CFAP54: variants seen among roughly 807,000 people sequenced by gnomAD.
The protein encoded by CFAP54 is cilia and flagella associated protein 54, also known as cilia- and flagella-associated protein 54.
CFAP54 carries 290 observed loss-of-function variants against 370.4 expected under a neutral mutation model. The ratio of observed to expected loss-of-function variants is 0.78; its 90% CI spans 0.71 to 0.86. The LOEUF (loss-of-function observed/expected upper bound fraction) is 0.86. Among genes scored for constraint, CFAP54 ranks in the 40% least tolerant of loss-of-function variants. The pLI is 0.00. For missense variants in CFAP54, 3,399 were observed against 3,528.7 expected, an observed-to-expected ratio of 0.96 and a Z score of 0.93; for synonymous variants, 1,206 against 1,236.5, an observed-to-expected ratio of 0.98 and a Z score of 0.52.
At chr12:96,830,175 A>G (rs780197969) in intron 66 of CFAP54, among the ~76,000 whole-genome samples, 4 of 152,138 alleles carry the variant, frequency 2.6e-5, no homozygotes, top group Admixed American at 1.3e-4. Flanking sequence ...TAATATTGCT[A>G]TGAACGTTAG....
At chr12:96,642,438 A>G (rs1170931733) in intron 32 of CFAP54, among the ~76,000 whole-genome samples, 1 of 152,192 alleles carries the variant, frequency 6.6e-6, no homozygotes, top group African/African-American at 2.4e-5. Context: ...ATCTAAATCT[A>G]TCTTATTGTC....
intron 26 of CFAP54, among the ~76,000 whole-genome samples, chr12:96,618,350 G>T (rs991458865): frequency 6.6e-6 from 1 of 152,172 alleles, no homozygotes; most frequent in Admixed American, 6.5e-5. Flanking sequence ...CTTAAGAGAG[G>T]TGGTGTGAGG....
At chr12:96,701,894 C>T (rs80026084) in intron 46 of CFAP54, among the ~76,000 whole-genome samples, 2,803 of 152,086 alleles carry the variant, frequency 0.018, 105 homozygotes, top group African/African-American at 0.065. Context: ...AGAGAAGTGA[C>T]GTGATAGGAA....
At chr12:96,497,879 A>G (rs1372333417) in intron 1 of CFAP54, among the ~76,000 whole-genome samples, 1 of 152,228 alleles carries the variant, frequency 6.6e-6, no homozygotes, top group East Asian at 1.9e-4. Flanking sequence ...TTTAAAACAA[A>G]GATAGTGTGT....
intron 32 of CFAP54, among the ~76,000 whole-genome samples, chr12:96,633,379 G>C (rs1956629134): frequency 6.6e-6 from 1 of 152,164 alleles, no homozygotes; most frequent in Non-Finnish European, 1.5e-5. Context: ...AATGATAGCT[G>C]TACAACTATA....
chr12:96,766,606 C>T (rs930133852), intron 60 of CFAP54, among the ~76,000 whole-genome samples: 6 of 152,168 alleles, frequency 3.9e-5, no homozygotes, highest in Non-Finnish European at 8.8e-5. Flanking sequence ...CAGACCATTT[C>T]ATTTCTCTCA....
chr12:96,607,336 TAA>T (rs753783181), intron 26 of CFAP54, among the ~76,000 whole-genome samples: 1 of 144,104 alleles, frequency 6.9e-6, no homozygotes, highest in Non-Finnish European at 1.5e-5. Flanking sequence ...AAGACTTGGT[TAA>T]AAAAAAAAAG....
At position 96,515,912 on chromosome 12, in the gene CFAP54, GTTTTTTTTTTTT is replaced by G. The variant is rs71437221; in HGVS notation, c.798+2878_798+2889del. 3.1e-4 allele frequency among the ~76,000 whole-genome samples: 34 copies of G among 108,260 alleles called. No homozygotes were observed. In the South Asian group the frequency reaches 0.011, roughly 34 times the overall value. 71.0% of individuals were successfully genotyped at this position (108,260 alleles called of 152,430 possible). ...AGAAAGGTGCTGTCATTACCTCTAT[GTTTTTTTTTTTT>G]TTTTTTTTTGATATGGAGTCTCGCT... On this transcript the variant is annotated intron_variant, in intron 5 of 67. Coordinates refer to ENST00000524981, the MANE Select transcript of CFAP54 (RefSeq NM_001306084.2).
intron 48 of CFAP54, among the ~76,000 whole-genome samples, chr12:96,711,086 T>C (rs1399250537): frequency 3.3e-5 from 5 of 152,238 alleles, no homozygotes; most frequent in Non-Finnish European, 4.4e-5. Context: ...TCAATCTCTT[T>C]ACTTGTAGTT....
At chr12:96,569,930 AT>A (rs199506337) in intron 19 of CFAP54, among the ~76,000 whole-genome samples, 37 of 150,966 alleles carry the variant, frequency 2.5e-4, no homozygotes, top group African/African-American at 4.6e-4. Flanking sequence ...ATTCTATCTG[AT>A]TTTTTTTTAG....
At chr12:96,507,183 G>A in intron 4 of CFAP54, 84 bp downstream of exon 4, 1 of 1,076,066 alleles carries the variant, frequency 9.3e-7, no homozygotes, top group Non-Finnish European at 1.3e-6. Context: ...TGAGTACCTT[G>A]TGATTTAAAA....
intron 66 of CFAP54, among the ~76,000 whole-genome samples, chr12:96,842,725 C>T (rs1959233779): frequency 6.6e-6 from 1 of 152,126 alleles, no homozygotes; most frequent in Non-Finnish European, 1.5e-5. Flanking sequence ...CGAAAGTGCT[C>T]CTCTTCTGCC....
chr12:96,596,922 T>G (rs1277184411), intron 25 of CFAP54, among the ~76,000 whole-genome samples: 1 of 152,052 alleles, frequency 6.6e-6, no homozygotes, highest in Non-Finnish European at 1.5e-5. Context: ...GAAAAGATGC[T>G]CAAATTCTAA....
intron 15 of CFAP54, among the ~76,000 whole-genome samples, chr12:96,552,246 C>CAAAAAAAA (rs374756712): frequency 3.2e-4 from 13 of 40,768 alleles, no homozygotes; most frequent in Non-Finnish European, 5.2e-4. Context: ...AACTACATCT[C>CAAAAAAAA]AAAAAAAAAA....
At chr12:96,650,173 T>C in intron 35 of CFAP54, 101 bp downstream of exon 35, 1 of 1,081,980 alleles carries the variant, frequency 9.2e-7, no homozygotes, top group East Asian at 2.5e-5. Context: ...TTATACATAA[T>C]TTTAGTTGTG....
At position 96,518,915 on chromosome 12, in the gene CFAP54, C is replaced by A; in HGVS notation, c.799-13C>A. On this transcript the variant is annotated splice_polypyrimidine_tract_variant and intron_variant, in intron 5 of 67. Coordinates refer to ENST00000524981, the MANE Select transcript of CFAP54 (RefSeq NM_001306084.2). ...AAATGAAAACAAATCCAATGGTGCC[C>A]TTTATTTTGCAGGCCTTAGAGTATC... 6.6e-7 allele frequency: 1 copy of A among 1,514,516 alleles called. No individual in the cohort carries two copies. The highest frequency in any genetic ancestry group is 8.8e-7 in the Non-Finnish European group (1 of 1,133,902). 93.8% of individuals were successfully genotyped at this position (1,514,516 alleles called of 1,614,324 possible).
intron 39 of CFAP54, among the ~76,000 whole-genome samples, chr12:96,670,533 A>G (rs1832034691): frequency 6.6e-6 from 1 of 152,232 alleles, no homozygotes; most frequent in South Asian, 2.1e-4. Flanking sequence ...CAAAAGGGGT[A>G]GACAAGTATG....
At chr12:96,743,952 TTC>T in intron 54 of CFAP54, 42 bp downstream of exon 54, 3 of 1,600,700 alleles carry the variant, frequency 1.9e-6, no homozygotes, top group Non-Finnish European at 2.6e-6. Context: ...AAACTTACTT[TTC>T]TCTCTTTCCT....
chr12:96,743,104 T>G (rs1958070661), intron 52 of CFAP54, among the ~76,000 whole-genome samples: 1 of 152,228 alleles, frequency 6.6e-6, no homozygotes, highest in African/African-American at 2.4e-5. Context: ...GTTCTTGCAG[T>G]GATTAATCAT....
Sources: allele counts gnomAD v4.1 joint callset (sites outside exome capture counted in the v4.1 genomes callset), GRCh38; gene constraint gnomAD v4.1.1; transcripts MANE v1.5; gene names NCBI Gene and HGNC (gene_info 2026-07-23, HGNC 2026-07-21).